GJA3: variants seen among roughly 807,000 people sequenced by gnomAD.
The protein encoded by GJA3 is gap junction protein alpha 3, also known as gap junction alpha-3 protein.
For missense variants in GJA3, 571 were observed against 620.3 expected, an observed-to-expected ratio of 0.92 and a Z score of 0.84; for synonymous variants, 297 against 292.6, an observed-to-expected ratio of 1.02 and a Z score of -0.15.
rs1222386135 is a variant in GJA3 at position 20,142,536 on chromosome 13, ATCGGCTGTCCCCAGCGGGGCC to A, written c.732_752del (p.Glu244_Ala250del). On this transcript the variant is annotated inframe_deletion, in exon 2 of 2. Coordinates refer to ENST00000241125, the MANE Select transcript of GJA3 (RefSeq NM_021954.4). Reference sequence around the variant, plus strand: ...GGGAGCTGGGGGGCAGGGGCGGGGGATCGGCTGTCCCCAGCGGGGCCTCGGAGGCGTCCGGGCCGAGGCGGC... The same window carrying A: ...GGGAGCTGGGGGGCAGGGGCGGGGGATCGGAGGCGTCCGGGCCGAGGCGGC... 4.5e-5 allele frequency: 70 copies of A among 1,557,214 alleles called. No individual in the cohort carries two copies. Among genetic ancestry groups the A allele is most frequent in the Non-Finnish European group, 5.8e-5 (67 of 1,152,180 alleles).
rs1016409492 is a variant in GJA3, at chr13:20,140,765, T to A, written c.*1216A>T. The A allele has an allele frequency of 2.0e-5, 3 of 152,224 alleles. No homozygotes were observed. The highest frequency in any genetic ancestry group is 7.2e-5 in the African/African-American group (3 of 41,454). 9.4% of individuals were successfully genotyped at this position (152,224 alleles called of 1,614,324 possible). On this transcript the variant is annotated 3_prime_UTR_variant, in exon 2 of 2. Coordinates refer to ENST00000241125, the MANE Select transcript of GJA3 (RefSeq NM_021954.4). ...GGGATCCCCAGACACTTATATTATT[T>A]ACACTGGAGAAAGCAAACAGGCTGC...
chr13:20,160,646 G>A (rs1297453551), intron 1 of GJA3, among the ~76,000 whole-genome samples: 1 of 152,224 alleles, frequency 6.6e-6, no homozygotes, highest in Non-Finnish European at 1.5e-5. Flanking sequence ...GAGCAAAGGA[G>A]GAAGATCAAT....
Position 20,141,711 on chromosome 13 carries a change from G to A in GJA3, c.*270C>T. ...CCCTCAGCGACCAGATTTCTGGGCT[G>A]CTGTGAAGATCTTAAAGGCCCACAA... On this transcript the variant is annotated 3_prime_UTR_variant, in exon 2 of 2. Coordinates refer to ENST00000241125, the MANE Select transcript of GJA3 (RefSeq NM_021954.4). The A allele has an allele frequency of 2.0e-6, 1 of 504,828 alleles. No individual in the cohort carries two copies. Among genetic ancestry groups the A allele is most frequent in the South Asian group, 3.3e-5 (1 of 30,658 alleles). The allele number at this position is 504,828 out of a possible 1,614,324, so 31.3% of individuals were successfully genotyped here.
chr13:20,161,341 A>C (rs1958937027), upstream of GJA3, among the ~76,000 whole-genome samples: 2 of 151,766 alleles, frequency 1.3e-5, no homozygotes, highest in Non-Finnish European at 2.9e-5. Context: ...CCCGCGCGGG[A>C]CGTGAGAGGA....
intron 1 of GJA3, among the ~76,000 whole-genome samples, chr13:20,155,943 C>T (rs1958904594): frequency 6.6e-6 from 1 of 151,994 alleles, no homozygotes; most frequent in South Asian, 2.1e-4. Context: ...AATGCTGTTG[C>T]AGGAAACATT....
At chr13:20,155,772 G>A (rs996840721) in intron 1 of GJA3, among the ~76,000 whole-genome samples, 11 of 151,794 alleles carry the variant, frequency 7.2e-5, no homozygotes, top group Non-Finnish European at 4.4e-5. Context: ...AATAGATAAT[G>A]AAGATTTTAG....
In GJA3 at chr13:20,160,979, C is replaced by T; in HGVS notation, c.-107G>A. On this transcript the variant is annotated 5_prime_UTR_variant, in exon 1 of 2. Coordinates refer to ENST00000241125, the MANE Select transcript of GJA3 (RefSeq NM_021954.4). ...AAGAATTCCTTTCACACGTGCGGTGCTGCTTCACGCGTGCGCCCCGCGCCA... is the reference window on the plus strand; with the variant it reads ...AAGAATTCCTTTCACACGTGCGGTGTTGCTTCACGCGTGCGCCCCGCGCCA... 6.6e-6 allele frequency: 1 copy of T among 152,462 alleles called. No homozygotes were observed. The allele number at this position is 152,462 out of a possible 1,614,324, so 9.4% of individuals were successfully genotyped here.
intron 1 of GJA3, among the ~76,000 whole-genome samples, chr13:20,151,698 T>C (rs1273006098): frequency 6.6e-6 from 1 of 151,768 alleles, no homozygotes; most frequent in Non-Finnish European, 1.5e-5. Flanking sequence ...CGAGGATGGA[T>C]TACTTGAGCT....
chr13:20,142,249 G>A lies in GJA3; in HGVS notation c.1040C>T (p.Ser347Phe). The A allele has an allele frequency of 6.5e-7, 1 of 1,544,372 alleles. No homozygotes were observed. Among genetic ancestry groups the A allele is most frequent in the Non-Finnish European group, 8.7e-7 (1 of 1,149,556 alleles). Residue 347 changes from serine to phenylalanine, a missense_variant, in exon 2 of 2, where the codon TCC becomes TTC. Transcript: ENST00000241125. ...PPALKAYPAA[S>F]TPAAPSPVGS... ...GACGGGGCTGGGGGCTGCAGGCGTGGACGCTGCCGGGTAAGCCTTGAGCGC... is the reference window on the plus strand; with the variant it reads ...GACGGGGCTGGGGGCTGCAGGCGTGAACGCTGCCGGGTAAGCCTTGAGCGC...
At chr13:20,158,052 G>C (rs1251623787) in intron 1 of GJA3, among the ~76,000 whole-genome samples, 2 of 151,250 alleles carry the variant, frequency 1.3e-5, no homozygotes, top group Non-Finnish European at 2.9e-5. Context: ...TGCCTGGGCT[G>C]GTCTCAAACT....
At position 20,140,068 on chromosome 13, in the gene GJA3, A is replaced by G. The variant is rs1958798636; in HGVS notation, c.*1913T>C. The G allele has an allele frequency of 6.6e-6, 1 of 152,148 alleles. No individual in the cohort carries two copies. The highest frequency in any genetic ancestry group is 1.5e-5 in the Non-Finnish European group (1 of 68,042). The allele number at this position is 152,148 out of a possible 1,614,324, so 9.4% of individuals were successfully genotyped here. On this transcript the variant is annotated 3_prime_UTR_variant, in exon 2 of 2. Transcript: ENST00000241125. ...CTGCTGCCCTAGGCCTATGGCATACACTGCATGTAATGAGTGAACTTCGGA... is the reference window on the plus strand; with the variant it reads ...CTGCTGCCCTAGGCCTATGGCATACGCTGCATGTAATGAGTGAACTTCGGA...
At chr13:20,143,326 T>G in intron 1 of GJA3, 21 bp from the exon 2 acceptor site, 5 of 1,484,596 alleles carry the variant, frequency 3.4e-6, no homozygotes, top group Non-Finnish European at 4.5e-6. Context: ...AAAATGCTCA[T>G]GAACACCGGG....
In GJA3 at chr13:20,143,109, G is replaced by T. The variant is rs2141138368; in HGVS notation, c.180C>A (p.Gly60=). 1.2e-6 allele frequency: 2 copies of T among 1,613,840 alleles called. No homozygotes were observed. The highest frequency in any genetic ancestry group is 1.7e-6 in the Non-Finnish European group (2 of 1,179,876). ...SDFTCNTQQP[G]CENVCYDRAF... Reference sequence around the variant, plus strand: ...CCCTGTCGTAGCAGACGTTCTCGCAGCCCGGCTGCTGGGTGTTGCAGGTGA... The same window carrying T: ...CCCTGTCGTAGCAGACGTTCTCGCATCCCGGCTGCTGGGTGTTGCAGGTGA... Residue 60 remains glycine, a synonymous_variant, in exon 2 of 2, where the codon GGC becomes GGA. Coordinates refer to ENST00000241125, the MANE Select transcript of GJA3 (RefSeq NM_021954.4).
In GJA3 at chr13:20,148,305, T is replaced by G. The variant is rs999583424; in HGVS notation, c.-17-5000A>C. ...CAGAGTCTCATTCTGTCGCTCAGGC[T>G]AAGGTGCAGTGGCACGGATCATAGC... On this transcript the variant is annotated intron_variant, in intron 1 of 1. Transcript: ENST00000241125. 5.1e-5 allele frequency among the ~76,000 whole-genome samples: 7 copies of G among 137,852 alleles called. No homozygotes were observed. In the South Asian group the frequency reaches 1.6e-3, roughly 32 times the overall value. 90.4% of individuals were successfully genotyped at this position (137,852 alleles called of 152,430 possible). A position where few individuals can be genotyped will look rare whatever the true frequency, so the allele number is the denominator to read the frequency against.
chr13:20,150,372 G>GGTGTGTGTGTGT (rs71816956), intron 1 of GJA3, among the ~76,000 whole-genome samples: 4 of 147,998 alleles, frequency 2.7e-5, no homozygotes, highest in African/African-American at 7.5e-5. Context: ...CACTGCTCCT[G>GGTGTGTGTGTGT]GTGTGTGTGT....
At position 20,141,744 on chromosome 13, in the gene GJA3, C is replaced by T; in HGVS notation, c.*237G>A. On this transcript the variant is annotated 3_prime_UTR_variant, in exon 2 of 2. Coordinates refer to ENST00000241125, the MANE Select transcript of GJA3 (RefSeq NM_021954.4). ...GATCTTAAAGGCCCACAACCCTTGT[C>T]CCCGCCACCCCCAAACTCAGAAAGT... The T allele has an allele frequency of 1.7e-6, 1 of 590,516 alleles. No individual in the cohort carries two copies. The highest frequency in any genetic ancestry group is 2.6e-5 in the South Asian group (1 of 38,836). The allele number at this position is 590,516 out of a possible 1,614,324, so 36.6% of individuals were successfully genotyped here. A position where few individuals can be genotyped will look rare whatever the true frequency, so the allele number is the denominator to read the frequency against.
chr13:20,148,991 G>A (rs1482310607), intron 1 of GJA3, among the ~76,000 whole-genome samples: 2 of 152,188 alleles, frequency 1.3e-5, no homozygotes, highest in African/African-American at 2.4e-5. Flanking sequence ...ATTCTTAGTC[G>A]TCTGAATAAC....
At chr13:20,150,632 G>A (rs1958871338) in intron 1 of GJA3, among the ~76,000 whole-genome samples, 1 of 152,196 alleles carries the variant, frequency 6.6e-6, no homozygotes, top group Non-Finnish European at 1.5e-5. Context: ...TCTGACCTCG[G>A]GAATACAGGC....
At chr13:20,160,288 T>C (rs1021809504) in intron 1 of GJA3, among the ~76,000 whole-genome samples, 2 of 152,202 alleles carry the variant, frequency 1.3e-5, no homozygotes, top group Admixed American at 6.5e-5. Flanking sequence ...AATCTGGTCG[T>C]GGCATTAATA....
Sources: gnomAD v4.1 joint callset for allele counts (sites outside exome capture counted in the v4.1 genomes callset) on GRCh38, gnomAD v4.1.1 for gene constraint, MANE v1.5 for transcripts, NCBI Gene and HGNC (gene_info 2026-07-23, HGNC 2026-07-21) for gene names.